GYS2: variants seen among roughly 807,000 people sequenced by gnomAD.
GYS2 encodes glycogen [starch] synthase, liver.
GYS2 carries 80 observed loss-of-function variants against 85.6 expected under a neutral mutation model. The ratio of observed to expected loss-of-function variants is 0.93; its 90% CI spans 0.78 to 1.13. The LOEUF is 1.13. Among genes scored for constraint, GYS2 ranks in the 50% most tolerant of loss-of-function variants. GYS2 has a pLI of 0.00. For missense variants in GYS2, 881 were observed against 854.9 expected (o/e 1.03, Z -0.38); for synonymous variants, 328 against 300.7 (o/e 1.09, Z -0.94).
chr12:21,574,702 A>G (rs748142437), intron 3 of GYS2, among the ~76,000 whole-genome samples: 11 of 152,102 alleles, frequency 7.2e-5, no homozygotes, highest in Non-Finnish European at 1.3e-4. Context: ...AGCTGAATCA[A>G]TTGGGACCAC....
chr12:21,568,858 T>C lies in GYS2; in HGVS notation c.823+7A>G. On this transcript the variant is annotated splice_region_variant and intron_variant, in intron 5 of 15. Transcript: ENST00000261195. ...TGAAAGATAGGTGATCCAGGGATAA[T>C]AATTACCAGGCTTTCTCTTCAGCAT... 6.2e-7 allele frequency: 1 copy of C among 1,610,936 alleles called. No individual in the cohort carries two copies. The highest frequency in any genetic ancestry group is 8.5e-7 in the Non-Finnish European group (1 of 1,177,120).
At chr12:21,601,907 A>T (rs1944759738) in intron 1 of GYS2, among the ~76,000 whole-genome samples, 5 of 152,196 alleles carry the variant, frequency 3.3e-5, no homozygotes, top group Admixed American at 3.3e-4. Context: ...TTAATAAATT[A>T]AAAAGGTTAT....
At chr12:21,557,820 A>G (rs1944200080) in intron 11 of GYS2, among the ~76,000 whole-genome samples, 1 of 151,896 alleles carries the variant, frequency 6.6e-6, no homozygotes, top group South Asian at 2.1e-4. Flanking sequence ...AATGGTGTGG[A>G]CCCGGGAGGC....
At chr12:21,550,352 C>CACACA (rs1565594778) in intron 11 of GYS2, among the ~76,000 whole-genome samples, 1 of 121,606 alleles carries the variant, frequency 8.2e-6, no homozygotes, top group African/African-American at 3.0e-5. Flanking sequence ...CACACACACA[C>CACACA]CCCTGGTTTT....
intron 1 of GYS2, among the ~76,000 whole-genome samples, chr12:21,584,477 G>T (rs767031694): frequency 6.8e-6 from 1 of 146,136 alleles, no homozygotes; most frequent in African/African-American, 2.6e-5. Context: ...GGCCACTCAT[G>T]TCATCGTCCA....
intron 5 of GYS2, among the ~76,000 whole-genome samples, chr12:21,568,636 C>T (rs1289767456): frequency 6.6e-6 from 1 of 152,176 alleles, no homozygotes; most frequent in Non-Finnish European, 1.5e-5. Flanking sequence ...TCAAGCATAG[C>T]TCATTTATTC....
In GYS2 at chr12:21,604,720, G is replaced by A; in HGVS notation, c.-128C>T. The A allele has an allele frequency of 6.5e-7, 1 of 1,529,692 alleles. No homozygotes were observed. The highest frequency in any genetic ancestry group is 8.8e-7 in the Non-Finnish European group (1 of 1,133,722). 94.8% of individuals were successfully genotyped at this position (1,529,692 alleles called of 1,614,324 possible). A position where few individuals can be genotyped will look rare whatever the true frequency, so the allele number is the denominator to read the frequency against. ...ACCAGGCTTTGGTAGCTTCTCTTGG[G>A]AATAAACTAGTAGCATGAAATCTTA... On this transcript the variant is annotated 5_prime_UTR_variant, in exon 1 of 16. Coordinates refer to ENST00000261195, the MANE Select transcript of GYS2 (RefSeq NM_021957.4).
At chr12:21,590,100 G>A (rs1326516856) in intron 1 of GYS2, among the ~76,000 whole-genome samples, 1 of 152,080 alleles carries the variant, frequency 6.6e-6, no homozygotes, top group African/African-American at 2.4e-5. Flanking sequence ...ACCATCTGGG[G>A]CTGAAACACA....
intron 1 of GYS2, among the ~76,000 whole-genome samples, chr12:21,586,390 T>C (rs1944573069): frequency 6.6e-6 from 1 of 151,784 alleles, no homozygotes; most frequent in African/African-American, 2.4e-5. Context: ...TTAACACTAC[T>C]TAATAAACTC....
At chr12:21,559,035 T>C in intron 10 of GYS2, 56 bp downstream of exon 10, 1 of 1,002,178 alleles carries the variant, frequency 1.0e-6, no homozygotes, top group Non-Finnish European at 1.6e-6. Context: ...ATTAAAATAC[T>C]GATTAGATAG....
chr12:21,570,140 G>C (rs1473996137), intron 4 of GYS2, among the ~76,000 whole-genome samples: 1 of 152,122 alleles, frequency 6.6e-6, no homozygotes, highest in Admixed American at 6.5e-5. Context: ...AAAACTCCTA[G>C]AGCATTCTTT....
chr12:21,590,156 C>T (rs1002455144), intron 1 of GYS2, among the ~76,000 whole-genome samples: 11 of 152,162 alleles, frequency 7.2e-5, no homozygotes, highest in African/African-American at 2.2e-4. Context: ...GAAAGCAACA[C>T]ACCCCGCACC....
chr12:21,584,539 G>T (rs1395970640), intron 1 of GYS2, among the ~76,000 whole-genome samples: 1 of 152,146 alleles, frequency 6.6e-6, no homozygotes, highest in African/African-American at 2.4e-5. Flanking sequence ...GTTATGCTTG[G>T]GCTCAGCAAC....
rs1943923308 is a variant in GYS2, at chr12:21,537,444, T to C, written c.1891-269A>G. ...TATCTTTTAACAACACTCTGATAAA[T>C]ATGTTTTTTTCAGTACAGAAGAAAA... On this transcript the variant is annotated intron_variant, in intron 15 of 15. Transcript: ENST00000261195. The C allele has an allele frequency of 9.1e-5, 40 of 440,220 alleles. No homozygotes were observed. In the South Asian group the frequency reaches 9.1e-4, roughly 10 times the overall value. 27.3% of individuals were successfully genotyped at this position (440,220 alleles called of 1,614,324 possible).
rs1904121 is a variant in GYS2 at position 21,546,574 on chromosome 12, T to C, written c.1423-104A>G. On this transcript the variant is annotated intron_variant, in intron 11 of 15. Coordinates refer to ENST00000261195, the MANE Select transcript of GYS2 (RefSeq NM_021957.4). ...TCAGTACTCTACTATAGAATCCTTATGTTCTAGATTCAGAAAGAAAAAAAG... is the reference window on the plus strand; with the variant it reads ...TCAGTACTCTACTATAGAATCCTTACGTTCTAGATTCAGAAAGAAAAAAAG... 0.62 allele frequency: 427,651 copies of C among 690,774 alleles called. 138,814 individuals are homozygous for C. The highest frequency in any genetic ancestry group is 0.81 in the East Asian group (29,143 of 36,044). 42.8% of individuals were successfully genotyped at this position (690,774 alleles called of 1,614,324 possible).
intron 1 of GYS2, 22 bp from the exon 2 acceptor site, chr12:21,580,545 C>G: frequency 6.3e-7 from 1 of 1,585,970 alleles, no homozygotes; most frequent in Non-Finnish European, 8.6e-7. Context: ...AAAAAAGTTT[C>G]TATTATCATT....
rs147820115 is a variant in GYS2, at chr12:21,593,301, A to AAACAAC, written c.121+11165_121+11170dup. 1.7e-4 allele frequency among the ~76,000 whole-genome samples: 26 copies of AAACAAC among 151,178 alleles called. No homozygotes were observed. In the East Asian group the frequency reaches 4.9e-3, roughly 28 times the overall value. On this transcript the variant is annotated intron_variant, in intron 1 of 15. Transcript: ENST00000261195. ...CAGAAGAACTTAATGAAATAGAGAA[A>AAACAAC]AACAACAACAAGGGATTAGCAAAAT...
intron 1 of GYS2, among the ~76,000 whole-genome samples, chr12:21,589,245 T>C (rs1269468485): frequency 1.3e-5 from 2 of 152,136 alleles, no homozygotes; most frequent in South Asian, 2.1e-4. Context: ...AAGGGGGAAA[T>C]AGAGATTCTT....
chr12:21,563,958 T>G (rs1214323622), intron 5 of GYS2, among the ~76,000 whole-genome samples: 1 of 152,238 alleles, frequency 6.6e-6, no homozygotes, highest in Non-Finnish European at 1.5e-5. Flanking sequence ...TTCTAATTTC[T>G]ATTCTTATTT....
Sources: allele counts gnomAD v4.1 joint callset (sites outside exome capture counted in the v4.1 genomes callset), GRCh38; gene constraint gnomAD v4.1.1; transcripts MANE v1.5; gene names NCBI Gene and HGNC (gene_info 2026-07-23, HGNC 2026-07-21).